Variants in AGO2 observed in about 807,000 individuals in gnomAD.
The protein encoded by AGO2 is protein argonaute-2.
AGO2 carries 5 observed loss-of-function variants against 102.3 expected under a neutral mutation model. That is an observed-to-expected ratio of 0.05 (90% CI 0.03 to 0.10). The LOEUF is 0.10. Ranked by LOEUF, AGO2 falls within the 10% of genes least tolerant of loss-of-function variation. The pLI is 1.00. For missense variants in AGO2, 541 were observed against 1,183.7 expected, an observed-to-expected ratio of 0.46 and a Z score of 7.97; for synonymous variants, 449 against 473.1, an observed-to-expected ratio of 0.95 and a Z score of 0.66.
At chr8:140,637,676 G>C (rs1216179800), upstream of AGO2, 1 of 152,254 alleles carries the variant, frequency 6.6e-6, no homozygotes, top group Non-Finnish European at 1.5e-5. Context: ...CCCATTCTCT[G>C]CAGGTCTCTA....
chr8:140,537,656 T>A (rs1298059273), intron 16 of AGO2, among the ~76,000 whole-genome samples: 3 of 152,196 alleles, frequency 2.0e-5, no homozygotes, highest in Non-Finnish European at 4.4e-5. Flanking sequence ...TAATAAGAGC[T>A]GTGTAAAAAT....
chr8:140,535,432 G>C (rs768728559), intron 17 of AGO2, 36 bp downstream of exon 17: 169 of 1,602,224 alleles, frequency 1.1e-4, no homozygotes, highest in Non-Finnish European at 1.3e-4. Context: ...ACGGCAGACG[G>C]CCAAGACTCT....
chr8:140,521,190 CCGGCA>C lies in AGO2; in HGVS notation c.*10849_*10853del, dbSNP rs2072411455. 3 of 152,136 alleles carry C rather than the reference CCGGCA, an allele frequency of 2.0e-5. No homozygotes were observed. The highest frequency in any genetic ancestry group is 2.0e-4 in the Admixed American group (3 of 15,270). 9.4% of individuals were successfully genotyped at this position (152,136 alleles called of 1,614,324 possible). A position where few individuals can be genotyped will look rare whatever the true frequency, so the allele number is the denominator to read the frequency against. The stretch of plus-strand genomic sequence containing the variant: ...CAATGCGTCCTGGGGAGCCAATTGC[CCGGCA>C]CGTCTTATTACTGAGAAAGTGCAAG... On this transcript the variant is annotated 3_prime_UTR_variant, in exon 19 of 19. Coordinates refer to ENST00000220592, the MANE Select transcript of AGO2 (RefSeq NM_012154.5).
chr8:140,587,093 C>T (rs952654472), intron 1 of AGO2, among the ~76,000 whole-genome samples: 2 of 152,144 alleles, frequency 1.3e-5, no homozygotes, highest in Non-Finnish European at 2.9e-5. Context: ...AAGCAGAGTC[C>T]AGGCACAGAC....
At chr8:140,604,421 G>T (rs766038060) in intron 1 of AGO2, among the ~76,000 whole-genome samples, 3 of 152,220 alleles carry the variant, frequency 2.0e-5, no homozygotes, top group African/African-American at 4.8e-5. Flanking sequence ...GGCTGGGCGC[G>T]GTGGCTCACG....
At position 140,572,801 on chromosome 8, in the gene AGO2, G is replaced by T; in HGVS notation, c.336+11C>A. The T allele has an allele frequency of 6.2e-7, 1 of 1,607,784 alleles. No individual in the cohort carries two copies. The highest frequency in any genetic ancestry group is 2.2e-5 in the East Asian group (1 of 44,800). ...TATGTTACTCCACCAAGGGCATCCC[G>T]GCGAGCTTACCTTGTCCCTCCCAAT... is the stretch of plus-strand genomic sequence containing the variant. On this transcript the variant is annotated intron_variant, in intron 3 of 18. Coordinates refer to ENST00000220592, the MANE Select transcript of AGO2 (RefSeq NM_012154.5).
chr8:140,568,832 G>A (rs538157066), intron 3 of AGO2, among the ~76,000 whole-genome samples: 195 of 152,290 alleles, frequency 1.3e-3, no homozygotes, highest in Non-Finnish European at 2.2e-3. Flanking sequence ...GTTAGGGCTC[G>A]GCACCACCTC....
intron 1 of AGO2, among the ~76,000 whole-genome samples, chr8:140,614,040 AG>A (rs1203696634): frequency 1.7e-4 from 23 of 137,046 alleles, no homozygotes; most frequent in African/African-American, 5.8e-4. Context: ...AAAAAAAAAA[AG>A]GCCAGACACG....
chr8:140,532,318 C>T (rs1053484541), intron 18 of AGO2, 98 bp downstream of exon 18: 43 of 1,464,196 alleles, frequency 2.9e-5, no homozygotes, highest in African/African-American at 8.3e-5. Context: ...CGGCTCCAGC[C>T]GCTGGGGCCC....
At position 140,588,316 on chromosome 8, in the gene AGO2, G is replaced by A. The variant is rs75132607; in HGVS notation, c.23-3005C>T. On this transcript the variant is annotated intron_variant, in intron 1 of 18. Transcript: ENST00000220592. ...CGCACCTCAGTCACACTGCAGGCTC[G>A]GTTCCAGATTGCCACAATAAAGCAG... is the stretch of plus-strand genomic sequence containing the variant. 2.7e-3 allele frequency among the ~76,000 whole-genome samples: 407 copies of A among 152,222 alleles called. 2 individuals are homozygous for A. The highest frequency in any genetic ancestry group is 9.6e-3 in the African/African-American group (398 of 41,528).
At position 140,544,270 on chromosome 8, in the gene AGO2, C is replaced by T. The variant is rs141951017; in HGVS notation, c.1782G>A (p.Leu594=). The T allele has an allele frequency of 6.4e-5, 103 of 1,603,216 alleles. No homozygotes were observed. In the African/African-American group the frequency reaches 1.0e-3, roughly 16 times the overall value. Reference sequence around the variant, plus strand: ...CGGGGGGGTGAGTGACGTCTGCTCCCAGAAAGATGACGGGCTGCTGGAACA... The same window carrying T: ...CGGGGGGGTGAGTGACGTCTGCTCCTAGAAAGATGACGGGCTGCTGGAACA... ...PPVFQQPVIF[L]GADVTHPPAG... Residue 594 remains leucine, a synonymous_variant, in exon 14 of 19, where the codon CTG becomes CTA. Coordinates refer to ENST00000220592, the MANE Select transcript of AGO2 (RefSeq NM_012154.5).
At position 140,561,260 on chromosome 8, in the gene AGO2, C is replaced by T. The variant is rs970039135; in HGVS notation, c.519-750G>A. Among the ~76,000 whole-genome samples the T allele has an allele frequency of 5.9e-5, 9 of 152,262 alleles. No homozygotes were observed. The South Asian group carries it at 8.3e-4, about 14-fold the overall frequency. ...CACTAATGATTCTGAAGGGAAAACACGCTGTGAGCCTCGATGCTCCCTACT... is the reference window on the plus strand; with the variant it reads ...CACTAATGATTCTGAAGGGAAAACATGCTGTGAGCCTCGATGCTCCCTACT... On this transcript the variant is annotated intron_variant, in intron 4 of 18. Transcript: ENST00000220592.
intron 10 of AGO2, among the ~76,000 whole-genome samples, chr8:140,551,812 T>C (rs563704293): frequency 7.1e-6 from 1 of 140,120 alleles, no homozygotes; most frequent in African/African-American, 2.7e-5. Flanking sequence ...GTGGATAAAG[T>C]GGGTGGGTGG....
At chr8:140,551,634 AGATGGGTGGGTGGATGGTT>A (rs60933439) in intron 10 of AGO2, among the ~76,000 whole-genome samples, 198 bp from the exon 11 acceptor site, 32 of 66,930 alleles carry the variant, frequency 4.8e-4, no homozygotes, top group African/African-American at 1.3e-3. Context: ...GGCTGGTGGA[AGATGGGTGGGTGGATGGTT>A]GATGGGTGGG....
At chr8:140,607,163 C>T (rs554198235) in intron 1 of AGO2, among the ~76,000 whole-genome samples, 2 of 151,306 alleles carry the variant, frequency 1.3e-5, no homozygotes, top group African/African-American at 2.4e-5. Flanking sequence ...GCAGGAGAAT[C>T]GCTTGAAGCC....
At chr8:140,635,993 G>C (rs1375396639), upstream of AGO2, among the ~76,000 whole-genome samples, 1 of 150,926 alleles carries the variant, frequency 6.6e-6, no homozygotes, top group Non-Finnish European at 1.5e-5. Flanking sequence ...TTCCCGACGG[G>C]GAGGAGCCGG....
At chr8:140,572,625 C>A (rs577499880) in intron 3 of AGO2, 187 bp downstream of exon 3, 3 of 764,324 alleles carry the variant, frequency 3.9e-6, no homozygotes, top group East Asian at 3.2e-5. Context: ...AAACCCCCAT[C>A]ACTGAAAGCC....
chr8:140,555,957 T>G lies in AGO2; in HGVS notation c.1208A>C (p.Asp403Ala). The G allele has an allele frequency of 6.2e-7, 1 of 1,614,198 alleles. No individual in the cohort carries two copies. Among genetic ancestry groups the G allele is most frequent in the Non-Finnish European group, 8.5e-7 (1 of 1,180,036 alleles). ...YVREFGIMVK[D>A]EMTDVTGRVL... ...CCGCCCAGTCACGTCTGTCATCTCA[T>G]CTTTGACCATGATTCCAAATTCACG... Residue 403 changes from aspartate to alanine, a missense_variant, in exon 10 of 19, where the codon GAT becomes GCT. Asp to Ala is a moderately radical substitution (Grantham distance 126, BLOSUM62 -2). Around this residue, in one of 6 missense-constraint regions of AGO2, gnomAD observed 309 missense variants for 735.1 expected, o/e 0.42. Transcript: ENST00000220592.
At position 140,598,222 on chromosome 8, in the gene AGO2, C is replaced by A. The variant is rs1249229658; in HGVS notation, c.23-12911G>T. Among the ~76,000 whole-genome samples the A allele has an allele frequency of 2.0e-5, 3 of 152,218 alleles. No homozygotes were observed. In the East Asian group the frequency reaches 5.8e-4, roughly 29 times the overall value. The stretch of plus-strand genomic sequence containing the variant: ...ATGGGAAGATGTCTGAACCCCGAGA[C>A]GGCGTGTTCTGTGCTGGAGAACAAC... On this transcript the variant is annotated intron_variant, in intron 1 of 18. Transcript: ENST00000220592.
Sources: allele counts gnomAD v4.1 joint callset (sites outside exome capture counted in the v4.1 genomes callset), GRCh38; gene constraint gnomAD v4.1.1; regional missense constraint gnomAD v4.1.1; transcripts MANE v1.5; gene names NCBI Gene and HGNC (gene_info 2026-07-23, HGNC 2026-07-21).